The following A1CF variants were observed in gnomAD, a reference collection of about 807,000 sequenced individuals.
A1CF encodes the protein APOBEC1 complementation factor.
A neutral mutation model predicts 68.9 loss-of-function variants in A1CF; 48 were observed. The observed-to-expected ratio is 0.70, with a 90% CI of 0.55 to 0.89. The LOEUF (loss-of-function observed/expected upper bound fraction) is 0.89. Ranked by LOEUF, A1CF falls within the 40% of genes least tolerant of loss-of-function variation. The probability of loss-of-function intolerance (pLI) is 0.00; values close to 1 mark genes in which losing one functional copy is unlikely to be tolerated. For synonymous variants in A1CF, 272 were observed against 260.4 expected (o/e 1.04, Z -0.43); for missense variants, 653 against 718.9 (o/e 0.91, Z 1.05).
chr10:50,878,282 C>T (rs1203342688), intron 1 of A1CF, among the ~76,000 whole-genome samples: 2 of 152,228 alleles, frequency 1.3e-5, no homozygotes, highest in African/African-American at 4.8e-5. Flanking sequence ...GCCTCTTTCT[C>T]ATCTATTTTC....
intron 12 of A1CF, among the ~76,000 whole-genome samples, chr10:50,808,881 T>C (rs1281529284): frequency 6.6e-6 from 1 of 152,080 alleles, no homozygotes; most frequent in Non-Finnish European, 1.5e-5. Flanking sequence ...GGCCAATATA[T>C]GAATTAATTA....
At chr10:50,860,295 C>G (rs1172225250) in intron 2 of A1CF, among the ~76,000 whole-genome samples, 2 of 152,132 alleles carry the variant, frequency 1.3e-5, no homozygotes, top group Admixed American at 6.6e-5. Flanking sequence ...CAGATCAGCT[C>G]ACATCTATTA....
rs569376971 is a variant in A1CF at position 50,848,339 on chromosome 10, A to T, written c.100-4217T>A. ...ACTGGTTTAATTTATTGTAGAAAAG[A>T]CTAGAATAAAGGTCCTATCATTCTC... On this transcript the variant is annotated intron_variant, in intron 3 of 12. Coordinates refer to ENST00000373997, the MANE Select transcript of A1CF (RefSeq NM_014576.4). 8.5e-4 allele frequency among the ~76,000 whole-genome samples: 129 copies of T among 152,336 alleles called. No homozygotes were observed. In the South Asian group the frequency reaches 0.026, roughly 30 times the overall value.
In A1CF at chr10:50,814,707, A is replaced by G. The variant is rs371996990; in HGVS notation, c.1142-669T>C. 3.3e-4 allele frequency among the ~76,000 whole-genome samples: 50 copies of G among 152,254 alleles called. 2 individuals are homozygous for G. In the East Asian group the frequency reaches 5.8e-3, roughly 18 times the overall value. On this transcript the variant is annotated intron_variant, in intron 9 of 12. Coordinates refer to ENST00000373997, the MANE Select transcript of A1CF (RefSeq NM_014576.4). ...ATAGAGATAAAAAATTAAATTGATT[A>G]CCCTTCATCCATGAATATCATTCAT...
chr10:50,882,183 A>G (rs1841807677), intron 1 of A1CF, among the ~76,000 whole-genome samples: 1 of 152,238 alleles, frequency 6.6e-6, no homozygotes, highest in African/African-American at 2.4e-5. Flanking sequence ...CATGCCTGTA[A>G]TCCCAGCACT....
chr10:50,857,212 G>A (rs1840522445), intron 3 of A1CF, among the ~76,000 whole-genome samples: 1 of 152,106 alleles, frequency 6.6e-6, no homozygotes, highest in African/African-American at 2.4e-5. Context: ...CATTTAAGGA[G>A]TCCATGTATG....
intron 6 of A1CF, among the ~76,000 whole-genome samples, chr10:50,830,292 CTG>C (rs2132403323): frequency 6.6e-6 from 1 of 152,212 alleles, no homozygotes; most frequent in East Asian, 1.9e-4. Context: ...CTTTCTGTGT[CTG>C]GCTTATTTCA....
At chr10:50,824,038 T>C (rs1838799907) in intron 7 of A1CF, 1 of 152,170 alleles carries the variant, frequency 6.6e-6, no homozygotes. Context: ...TGTCTGCTAG[T>C]TGTTCACGTT....
rs147913065 is a variant in A1CF, at chr10:50,845,559, AT to A, written c.100-1438del. Among the ~76,000 whole-genome samples the A allele has an allele frequency of 2.4e-3, 361 of 152,318 alleles. 7 individuals are homozygous for A. The East Asian group carries it at 0.065, about 27-fold the overall frequency. ...ATGGTTGGGAAGTGGAGAAGCCAGA[AT>A]TTGAACCCAGGCAGTCAGGCATCAA... is the stretch of plus-strand genomic sequence containing the variant. On this transcript the variant is annotated intron_variant, in intron 3 of 12. Coordinates refer to ENST00000373997, the MANE Select transcript of A1CF (RefSeq NM_014576.4).
chr10:50,851,597 CT>C (rs1840242522), intron 3 of A1CF, among the ~76,000 whole-genome samples: 1 of 151,530 alleles, frequency 6.6e-6, no homozygotes, highest in African/African-American at 2.4e-5. Flanking sequence ...TGGTCAACTT[CT>C]ACATAGACAC....
chr10:50,810,436 A>G (rs1189476763), intron 11 of A1CF, among the ~76,000 whole-genome samples: 2 of 152,208 alleles, frequency 1.3e-5, no homozygotes, highest in African/African-American at 4.8e-5. Context: ...ATAAAATGGT[A>G]GTTTCATATG....
In A1CF at chr10:50,836,303, G is replaced by A. The variant is rs898587350; in HGVS notation, c.375C>T (p.Arg125=). ...QLNNYEIRNG[R]LLGVCASVDN... ...CCACACTGGCACAAACCCCTAAGAG[G>A]CGCCCATTTCTGCAAAAAGAGCAGG... Residue 125 remains arginine (R), a synonymous_variant, in exon 6 of 13, where the codon CGC becomes CGT. Coordinates refer to ENST00000373997, the MANE Select transcript of A1CF (RefSeq NM_014576.4). 1 of 1,610,872 alleles carries A rather than the reference G, an allele frequency of 6.2e-7. No homozygotes were observed. The highest frequency in any genetic ancestry group is 8.5e-7 in the Non-Finnish European group (1 of 1,179,022).
chr10:50,885,423 C>T (rs1247226608), intron 1 of A1CF, among the ~76,000 whole-genome samples, 158 bp downstream of exon 1: 1 of 152,088 alleles, frequency 6.6e-6, no homozygotes, highest in African/African-American at 2.4e-5. Flanking sequence ...CTTTTGTTTT[C>T]TGGTTGTTTC....
chr10:50,822,282 G>A (rs1437062711), intron 7 of A1CF, among the ~76,000 whole-genome samples: 1 of 152,100 alleles, frequency 6.6e-6, no homozygotes, highest in Non-Finnish European at 1.5e-5. Flanking sequence ...GTGAAGGTAA[G>A]GTGGAAATTT....
intron 3 of A1CF, among the ~76,000 whole-genome samples, chr10:50,849,307 T>C (rs1282537795): frequency 6.6e-6 from 1 of 152,236 alleles, no homozygotes. Context: ...GTTGGTAAAA[T>C]CTGTTTTTAG....
chr10:50,846,724 G>A (rs1272827545), intron 3 of A1CF, among the ~76,000 whole-genome samples: 3 of 152,142 alleles, frequency 2.0e-5, no homozygotes, highest in African/African-American at 7.2e-5. Context: ...TGCATATGAT[G>A]CATATAGGAA....
chr10:50,838,227 C>T (rs1839608992), intron 5 of A1CF, among the ~76,000 whole-genome samples: 2 of 152,080 alleles, frequency 1.3e-5, no homozygotes, highest in African/African-American at 2.4e-5. Flanking sequence ...AGGGTTAGGC[C>T]ACTGTCCTAG....
intron 1 of A1CF, among the ~76,000 whole-genome samples, chr10:50,876,676 T>C (rs573091141): frequency 5.8e-4 from 88 of 152,146 alleles, no homozygotes; most frequent in Non-Finnish European, 1.1e-3. Flanking sequence ...CTTTTCTGGG[T>C]CTCAAGCCTT....
chr10:50,813,780 G>T, intron 10 of A1CF, 77 bp downstream of exon 10: 2 of 1,487,290 alleles, frequency 1.3e-6, no homozygotes, highest in Non-Finnish European at 1.9e-6. Flanking sequence ...TAGGGATCAA[G>T]TCAAATCATT....
Sources: allele counts gnomAD v4.1 joint callset (sites outside exome capture counted in the v4.1 genomes callset), GRCh38; gene constraint gnomAD v4.1.1; transcripts MANE v1.5; gene names NCBI Gene and HGNC (gene_info 2026-07-23, HGNC 2026-07-21).